SLC25A21: variants seen among roughly 807,000 people sequenced by gnomAD.
The protein encoded by SLC25A21 is mitochondrial 2-oxodicarboxylate carrier.
SLC25A21 carries 47 observed loss-of-function variants against 43.8 expected under a neutral mutation model. The ratio of observed to expected loss-of-function variants is 1.07; its 90% CI spans 0.85 to 1.37. SLC25A21 has a LOEUF of 1.37. SLC25A21 is among the 40% of genes most tolerant of loss of function. The probability of loss-of-function intolerance (pLI) is 0.00; values close to 1 mark genes in which losing one functional copy is unlikely to be tolerated. For synonymous variants in SLC25A21, 131 were observed against 121.3 expected, an observed-to-expected ratio of 1.08 and a Z score of -0.52; for missense variants, 352 against 350.2, an observed-to-expected ratio of 1.00 and a Z score of -0.04.
chr14:37,043,940 G>GTTTTGTTT (rs747798388), intron 1 of SLC25A21, among the ~76,000 whole-genome samples: 5 of 56,768 alleles, frequency 8.8e-5, no homozygotes, highest in Non-Finnish European at 1.8e-4. Context: ...ATGTTTTTTT[G>GTTTTGTTT]TTTTTTTTTT....
chr14:36,919,269 G>C (rs946269236), intron 1 of SLC25A21, among the ~76,000 whole-genome samples: 1 of 151,942 alleles, frequency 6.6e-6, no homozygotes, highest in African/African-American at 2.4e-5. Context: ...TTATGAAATC[G>C]TATATTAGGT....
At chr14:36,753,952 A>AGAGAGAGAGG (rs1885819773) in intron 3 of SLC25A21, among the ~76,000 whole-genome samples, 1 of 151,144 alleles carries the variant, frequency 6.6e-6, no homozygotes, top group Non-Finnish European at 1.5e-5. Flanking sequence ...AGAGAGAGAG[A>AGAGAGAGAGG]GAGAGAGAAA....
In SLC25A21 at chr14:37,115,959, T is replaced by C. The variant is rs1594800497; in HGVS notation, c.70+56322A>G. Among the ~76,000 whole-genome samples the C allele has an allele frequency of 2.0e-5, 3 of 152,090 alleles. No homozygotes were observed. The South Asian group carries it at 6.2e-4, about 32-fold the overall frequency. On this transcript the variant is annotated intron_variant, in intron 1 of 9. Coordinates refer to ENST00000331299, the MANE Select transcript of SLC25A21 (RefSeq NM_030631.4). The stretch of plus-strand genomic sequence containing the variant: ...ACTACATTAAGAATGAAAATACAAA[T>C]AATACATTAAATAAAAATACATTTT...
At chr14:36,830,806 G>C (rs920200684) in intron 2 of SLC25A21, among the ~76,000 whole-genome samples, 2 of 152,042 alleles carry the variant, frequency 1.3e-5, no homozygotes, top group Non-Finnish European at 2.9e-5. Context: ...ATAGAGAAAA[G>C]CTTAGATTTA....
chr14:36,910,499 T>G (rs892381099), intron 1 of SLC25A21, among the ~76,000 whole-genome samples: 1 of 152,094 alleles, frequency 6.6e-6, no homozygotes, highest in Non-Finnish European at 1.5e-5. Flanking sequence ...TTTTGTAACA[T>G]TAGCTTGGAT....
chr14:36,834,601 C>T (rs1889146044), intron 2 of SLC25A21, among the ~76,000 whole-genome samples: 1 of 152,154 alleles, frequency 6.6e-6, no homozygotes, highest in South Asian at 2.1e-4. Flanking sequence ...TTCTCCCTCC[C>T]AACTGCCCTT....
intron 1 of SLC25A21, among the ~76,000 whole-genome samples, chr14:37,085,503 G>T (rs1388593550): frequency 6.6e-6 from 1 of 152,062 alleles, no homozygotes; most frequent in African/African-American, 2.4e-5. Flanking sequence ...TTTCTCATCA[G>T]TGAGATGAAC....
intron 1 of SLC25A21, among the ~76,000 whole-genome samples, chr14:36,938,522 C>T (rs768137804): frequency 7.9e-4 from 120 of 152,154 alleles, no homozygotes; most frequent in African/African-American, 2.7e-3. Context: ...GTCTGCATCC[C>T]GCTGAGCCTT....
chr14:36,881,602 C>T lies in SLC25A21; in HGVS notation c.71-6598G>A, dbSNP rs988371990. 3.3e-5 allele frequency among the ~76,000 whole-genome samples: 5 copies of T among 152,222 alleles called. No individual in the cohort carries two copies. In the Middle Eastern group the frequency reaches 0.01, roughly 311 times the overall value. On this transcript the variant is annotated intron_variant, in intron 1 of 9. Transcript: ENST00000331299. ...CCTTGCCCTTTTTTTCTACCCATTC[C>T]TTTACAACCTAGGTCACAGAAAAGA...
Position 37,017,327 on chromosome 14 carries a change from G to A in SLC25A21, c.71-142323C>T, listed in dbSNP as rs1960878684. 5.3e-5 allele frequency among the ~76,000 whole-genome samples: 8 copies of A among 151,974 alleles called. No individual in the cohort carries two copies. In the South Asian group the frequency reaches 1.7e-3, roughly 32 times the overall value. On this transcript the variant is annotated intron_variant, in intron 1 of 9. Coordinates refer to ENST00000331299, the MANE Select transcript of SLC25A21 (RefSeq NM_030631.4). ...TTGTTGTGTCTCTTGGAATAGGCAG[G>A]CCCAAGGAGAGGTAGACAGAGAAAC... is the stretch of plus-strand genomic sequence containing the variant.
At chr14:37,109,745 G>T (rs1185527525) in intron 1 of SLC25A21, among the ~76,000 whole-genome samples, 5 of 152,060 alleles carry the variant, frequency 3.3e-5, no homozygotes, top group African/African-American at 9.7e-5. Flanking sequence ...CTCGGAATAA[G>T]AAATAATGAG....
At chr14:36,903,297 C>G (rs533933279) in intron 1 of SLC25A21, among the ~76,000 whole-genome samples, 1 of 152,214 alleles carries the variant, frequency 6.6e-6, no homozygotes, top group African/African-American at 2.4e-5. Context: ...GACTGAGGCC[C>G]TGTATCCAGA....
At chr14:37,031,616 G>A (rs1961212602) in intron 1 of SLC25A21, among the ~76,000 whole-genome samples, 1 of 152,096 alleles carries the variant, frequency 6.6e-6, no homozygotes. Context: ...ATGAATACTG[G>A]TAACCATATC....
chr14:36,715,906 T>C (rs955945484), intron 6 of SLC25A21, among the ~76,000 whole-genome samples: 1 of 151,936 alleles, frequency 6.6e-6, no homozygotes, highest in Non-Finnish European at 1.5e-5. Flanking sequence ...AGCTGGCCAA[T>C]GTGGTGAAAC....
At chr14:36,766,847 G>A (rs902325912) in intron 3 of SLC25A21, among the ~76,000 whole-genome samples, 1 of 152,186 alleles carries the variant, frequency 6.6e-6, no homozygotes, top group African/African-American at 2.4e-5. Flanking sequence ...AGAGGAGGAC[G>A]TTAGGATTGG....
At chr14:36,698,752 T>C (rs572912154) in intron 7 of SLC25A21, among the ~76,000 whole-genome samples, 2 of 152,278 alleles carry the variant, frequency 1.3e-5, no homozygotes, top group South Asian at 2.1e-4. Flanking sequence ...CGTGCCATGG[T>C]TTTCAGCTGC....
At chr14:36,749,623 T>A (rs1358421074) in intron 3 of SLC25A21, among the ~76,000 whole-genome samples, 1 of 152,138 alleles carries the variant, frequency 6.6e-6, no homozygotes, top group African/African-American at 2.4e-5. Flanking sequence ...ACCTTCCCAT[T>A]AATCACCTCG....
chr14:36,703,090 T>C (rs1883352223), intron 7 of SLC25A21, among the ~76,000 whole-genome samples: 1 of 152,238 alleles, frequency 6.6e-6, no homozygotes, highest in African/African-American at 2.4e-5. Context: ...GAAACTTTAA[T>C]GTTCCTGCCC....
chr14:36,683,678 A>C, intron 9 of SLC25A21, 150 bp downstream of exon 9: 1 of 510,158 alleles, frequency 2.0e-6, no homozygotes, highest in Non-Finnish European at 3.5e-6. Context: ...TGTCTTCAGT[A>C]TCTCAAATAC....
Sources: gnomAD v4.1 joint callset for allele counts (sites outside exome capture counted in the v4.1 genomes callset) on GRCh38, gnomAD v4.1.1 for gene constraint, MANE v1.5 for transcripts, NCBI Gene and HGNC (gene_info 2026-07-23, HGNC 2026-07-21) for gene names.